Variants in PARD3B observed in about 807,000 individuals in gnomAD.
PARD3B encodes partitioning defective 3 homolog B.
PARD3B carries 103 observed loss-of-function variants against 130.2 expected under a neutral mutation model. That is an observed-to-expected ratio of 0.79 (90% CI 0.67 to 0.93). The LOEUF (loss-of-function observed/expected upper bound fraction) is 0.93, where lower values mean the gene tolerates loss of function less well. Among genes scored for constraint, PARD3B ranks in the 40% least tolerant of loss-of-function variants. The pLI is 0.00. For missense variants in PARD3B, 1,609 were observed against 1,499.2 expected (o/e 1.07, Z -1.21); for synonymous variants, 583 against 553.2 (o/e 1.05, Z -0.76).
At chr2:205,004,296 A>G (rs1360800602) in intron 3 of PARD3B, among the ~76,000 whole-genome samples, 1 of 152,228 alleles carries the variant, frequency 6.6e-6, no homozygotes, top group East Asian at 1.9e-4. Flanking sequence ...TGTATATTCT[A>G]GCCTGTGCTC....
At chr2:204,874,415 G>A (rs1283139353) in intron 2 of PARD3B, among the ~76,000 whole-genome samples, 4 of 152,116 alleles carry the variant, frequency 2.6e-5, no homozygotes, top group African/African-American at 9.7e-5. Context: ...CTTAAAATGG[G>A]TAAAGAACCA....
chr2:204,690,362 T>A (rs564596961), intron 2 of PARD3B, among the ~76,000 whole-genome samples: 7 of 152,298 alleles, frequency 4.6e-5, no homozygotes, highest in Middle Eastern at 3.4e-3. Context: ...ATATGAATGT[T>A]ACATGACACA....
chr2:205,523,605 A>C (rs1185111763), intron 21 of PARD3B, among the ~76,000 whole-genome samples: 2 of 152,122 alleles, frequency 1.3e-5, no homozygotes, highest in Non-Finnish European at 2.9e-5. Context: ...AAGTAACGTG[A>C]CTGTGTTATC....
At chr2:205,520,032 T>C (rs186414880) in intron 21 of PARD3B, among the ~76,000 whole-genome samples, 1 of 152,318 alleles carries the variant, frequency 6.6e-6, no homozygotes, top group East Asian at 1.9e-4. Context: ...TGGCTGTAGA[T>C]AATGGCTTGG....
intron 15 of PARD3B, among the ~76,000 whole-genome samples, chr2:205,198,693 A>G (rs1441057434): frequency 6.6e-6 from 1 of 152,118 alleles, no homozygotes; most frequent in Non-Finnish European, 1.5e-5. Flanking sequence ...TGAGCATGAA[A>G]AAAGCCCCAT....
chr2:204,892,941 C>T (rs1277450539), intron 2 of PARD3B, among the ~76,000 whole-genome samples: 2 of 152,128 alleles, frequency 1.3e-5, no homozygotes, highest in East Asian at 3.9e-4. Flanking sequence ...TTATAAAAGA[C>T]TGGAGTTTAT....
At chr2:204,773,763 C>T (rs1574949253) in intron 2 of PARD3B, among the ~76,000 whole-genome samples, 1 of 152,000 alleles carries the variant, frequency 6.6e-6, no homozygotes, top group Admixed American at 6.6e-5. Context: ...GCCTCCTAAC[C>T]TCTCTGATCT....
At chr2:205,223,003 G>A (rs1040133973) in intron 15 of PARD3B, among the ~76,000 whole-genome samples, 23 of 152,144 alleles carry the variant, frequency 1.5e-4, no homozygotes, top group East Asian at 3.9e-4. Context: ...AAAGTGGTAC[G>A]TATTCTTGGA....
At chr2:205,388,185 A>G (rs1184004521) in intron 18 of PARD3B, among the ~76,000 whole-genome samples, 1 of 152,158 alleles carries the variant, frequency 6.6e-6, no homozygotes, top group Non-Finnish European at 1.5e-5. Context: ...TGTGCATTTA[A>G]TTATATATAC....
chr2:204,868,287 A>G (rs2045502394), intron 2 of PARD3B, among the ~76,000 whole-genome samples: 1 of 152,158 alleles, frequency 6.6e-6, no homozygotes, highest in South Asian at 2.1e-4. Context: ...GTACTTTTAA[A>G]TCTTTATTTT....
chr2:205,365,551 T>TTTTTTTC (rs2105893333), intron 18 of PARD3B, among the ~76,000 whole-genome samples: 1 of 144,982 alleles, frequency 6.9e-6, no homozygotes, highest in East Asian at 2.0e-4. Flanking sequence ...CAACCTTCCT[T>TTTTTTTC]TTTTTTTTTT....
At chr2:204,635,082 T>G (rs2034825410) in intron 1 of PARD3B, among the ~76,000 whole-genome samples, 1 of 152,162 alleles carries the variant, frequency 6.6e-6, no homozygotes, top group South Asian at 2.1e-4. Context: ...GAATATACCA[T>G]ATTTTGGGGG....
chr2:205,139,973 C>T (rs80214092), intron 10 of PARD3B, among the ~76,000 whole-genome samples: 2 of 152,136 alleles, frequency 1.3e-5, no homozygotes, highest in African/African-American at 2.4e-5. Flanking sequence ...GAATACTGAT[C>T]GCATGTGAAT....
At chr2:205,370,128 C>T (rs151316783) in intron 18 of PARD3B, among the ~76,000 whole-genome samples, 24 of 152,278 alleles carry the variant, frequency 1.6e-4, no homozygotes, top group African/African-American at 5.3e-4. Flanking sequence ...GCAGGAGTCA[C>T]TTAGTCATTT....
chr2:205,541,347 G>GTTTTTTTTTT (rs34760169), intron 21 of PARD3B, among the ~76,000 whole-genome samples: 2 of 122,200 alleles, frequency 1.6e-5, no homozygotes, highest in African/African-American at 6.0e-5. Context: ...CAGAAACTTT[G>GTTTTTTTTTT]TTTTTTTTTT....
At chr2:204,965,928 C>T (rs1313917818) in intron 3 of PARD3B, among the ~76,000 whole-genome samples, 5 of 152,114 alleles carry the variant, frequency 3.3e-5, no homozygotes, top group African/African-American at 1.2e-4. Flanking sequence ...TTTGGTGATA[C>T]CTCCTAAAGA....
intron 5 of PARD3B, among the ~76,000 whole-genome samples, chr2:205,109,897 G>T (rs1703501321): frequency 1.3e-5 from 2 of 151,922 alleles, no homozygotes; most frequent in Admixed American, 1.3e-4. Context: ...CAAGTGATCT[G>T]CCCGCCTTGG....
At chr2:205,475,887 C>T (rs2049005774) in intron 20 of PARD3B, among the ~76,000 whole-genome samples, 1 of 152,170 alleles carries the variant, frequency 6.6e-6, no homozygotes, top group South Asian at 2.1e-4. Flanking sequence ...AATACAAGTT[C>T]TCTCCAATAT....
chr2:204,816,689 G>T (rs2043160202), intron 2 of PARD3B, among the ~76,000 whole-genome samples: 1 of 151,432 alleles, frequency 6.6e-6, no homozygotes, highest in Admixed American at 6.6e-5. Flanking sequence ...TTTTACCACT[G>T]ATTTTAAATG....
Sources: gnomAD v4.1 joint callset for allele counts (sites outside exome capture counted in the v4.1 genomes callset) on GRCh38, gnomAD v4.1.1 for gene constraint, MANE v1.5 for transcripts, NCBI Gene and HGNC (gene_info 2026-07-23, HGNC 2026-07-21) for gene names.